The following LIPA variants were observed in gnomAD, a reference collection of about 807,000 sequenced individuals.
The protein encoded by LIPA is lysosomal acid lipase/cholesteryl ester hydrolase.
A neutral mutation model predicts 40.6 loss-of-function variants in LIPA; 26 were observed. The observed-to-expected ratio is 0.64, with a 90% CI of 0.47 to 0.89. The LOEUF is 0.89. Among genes scored for constraint, LIPA ranks in the 40% least tolerant of loss-of-function variants. LIPA has a pLI of 0.00. For missense variants in LIPA, 455 were observed against 479.6 expected (o/e 0.95, Z 0.48); for synonymous variants, 188 against 168.4 (o/e 1.12, Z -0.90).
chr10:89,348,240 T>C (rs1333348807), intron 2 of LIPA, among the ~76,000 whole-genome samples: 1 of 152,172 alleles, frequency 6.6e-6, no homozygotes, highest in Non-Finnish European at 1.5e-5. Flanking sequence ...CCAGGAACAG[T>C]TCTGAAAAAC....
intron 3 of LIPA, 63 bp from the exon 4 acceptor site, chr10:89,228,461 G>T (rs530040889): frequency 1.5e-6 from 2 of 1,314,160 alleles, no homozygotes; most frequent in Non-Finnish European, 2.2e-6. Context: ...ATGATATCTT[G>T]CTAAATAGAA....
intron 2 of LIPA, among the ~76,000 whole-genome samples, chr10:89,395,361 C>T (rs564724966): frequency 6.6e-6 from 1 of 152,318 alleles, no homozygotes; most frequent in East Asian, 1.9e-4. Flanking sequence ...ATTCCCCACT[C>T]GCTGGTTGAG....
chr10:89,330,755 A>T (rs1393839868), intron 1 of LIPA, among the ~76,000 whole-genome samples: 1 of 152,078 alleles, frequency 6.6e-6, no homozygotes, highest in Non-Finnish European at 1.5e-5. Flanking sequence ...TTCACTCAAG[A>T]TGCCTGATAA....
At chr10:89,376,702 A>G (rs1245849808) in intron 2 of LIPA, among the ~76,000 whole-genome samples, 3 of 152,208 alleles carry the variant, frequency 2.0e-5, no homozygotes, top group Non-Finnish European at 4.4e-5. Flanking sequence ...AAACTGGCCA[A>G]TATGAATGAC....
chr10:89,409,364 G>A (rs1365761690), intron 2 of LIPA, among the ~76,000 whole-genome samples: 1 of 152,180 alleles, frequency 6.6e-6, no homozygotes, highest in Non-Finnish European at 1.5e-5. Flanking sequence ...GACAGAAAAT[G>A]GAGCATGCCA....
intron 1 of LIPA, among the ~76,000 whole-genome samples, chr10:89,261,537 T>TA (rs1843207697): frequency 1.3e-5 from 2 of 151,804 alleles, no homozygotes; most frequent in African/African-American, 2.4e-5. Flanking sequence ...AAATTAAAAT[T>TA]TAAAAAATCA....
chr10:89,333,600 T>C (rs1044073331), intron 1 of LIPA, among the ~76,000 whole-genome samples: 13 of 152,204 alleles, frequency 8.5e-5, no homozygotes, highest in African/African-American at 2.9e-4. Context: ...TTTGGGAGGC[T>C]GAGGCAAGAG....
Position 89,384,397 on chromosome 10 carries a change from C to A in LIPA, c.61+28394G>T, listed in dbSNP as rs529801736. ...AGGCCACCACAGAAAGGCTGAGGAA[C>A]ATTTTCAGAAAGGGTTACGCATGAA... On this transcript the variant is annotated intron_variant, in intron 2 of 8. Transcript: ENST00000371837. 9.9e-6 allele frequency: 16 copies of A among 1,614,048 alleles called. 1 individual carries two copies. The South Asian group carries it at 1.6e-4, about 17-fold the overall frequency.
At chr10:89,227,105 G>A (rs551345546) in intron 4 of LIPA, 101 bp from the exon 5 acceptor site, 22 of 808,590 alleles carry the variant, frequency 2.7e-5, no homozygotes, top group Non-Finnish European at 4.5e-5. Context: ...ACTAAACACA[G>A]CTGGGAAAAC....
chr10:89,243,040 G>A lies in LIPA; in HGVS notation c.229+2636C>T, dbSNP rs182601580. ...TGCAGATTCCAGGCTAGGTCATTAG[G>A]AGGATGCTGGTGCTATTAATAATAG... On this transcript the variant is annotated intron_variant, in intron 3 of 9. Coordinates refer to ENST00000336233, the MANE Select transcript of LIPA (RefSeq NM_000235.4). Among the ~76,000 whole-genome samples the A allele has an allele frequency of 5.6e-3, 847 of 152,282 alleles. 31 individuals carry two copies. Among genetic ancestry groups the A allele is most frequent in the Admixed American group, 0.052 (796 of 15,294 alleles).
intron 1 of LIPA, among the ~76,000 whole-genome samples, chr10:89,314,387 T>C (rs1207938218): frequency 6.6e-6 from 1 of 152,270 alleles, no homozygotes. Flanking sequence ...TGTGAATTTA[T>C]GCCCGAGCGC....
chr10:89,394,697 TATC>T (rs888600233), intron 2 of LIPA, among the ~76,000 whole-genome samples: 3 of 150,472 alleles, frequency 2.0e-5, no homozygotes, highest in African/African-American at 7.3e-5. Context: ...AAATAAAATT[TATC>T]ATTTTAATTA....
intron 1 of LIPA, chr10:89,338,812 A>G (rs1008114998): frequency 6.2e-6 from 10 of 1,614,046 alleles, no homozygotes; most frequent in Non-Finnish European, 7.6e-6. Context: ...CAAAGCTACA[A>G]TGTACAACTT....
intron 2 of LIPA, among the ~76,000 whole-genome samples, chr10:89,372,577 C>T (rs1338834923): frequency 6.6e-6 from 1 of 152,198 alleles, no homozygotes; most frequent in East Asian, 1.9e-4. Context: ...TGTGTCCCAA[C>T]AGAGTACCTG....
At chr10:89,234,580 G>A (rs1842881880) in intron 3 of LIPA, among the ~76,000 whole-genome samples, 1 of 152,196 alleles carries the variant, frequency 6.6e-6, no homozygotes, top group African/African-American at 2.4e-5. Flanking sequence ...GGAAAAGACT[G>A]GACGCTGGAA....
At chr10:89,389,975 C>CTTTTTTTT (rs56947144) in intron 2 of LIPA, among the ~76,000 whole-genome samples, 4 of 80,340 alleles carry the variant, frequency 5.0e-5, no homozygotes, top group African/African-American at 1.1e-4. Context: ...AGATTTCTTT[C>CTTTTTTTT]TTTTTTTTTT....
At chr10:89,407,526 C>A (rs964543328) in intron 2 of LIPA, among the ~76,000 whole-genome samples, 3 of 152,222 alleles carry the variant, frequency 2.0e-5, no homozygotes, top group Non-Finnish European at 2.9e-5. Context: ...GCAGGCCTAA[C>A]AAAAGCTATT....
chr10:89,414,225 G>A (rs922722453), intron 1 of LIPA, among the ~76,000 whole-genome samples: 3 of 152,168 alleles, frequency 2.0e-5, no homozygotes, highest in African/African-American at 4.8e-5. Flanking sequence ...AGTGTTGCTT[G>A]TTGAATCAAA....
chr10:89,306,970 C>A (rs755600592), intron 1 of LIPA: 1 of 1,614,020 alleles, frequency 6.2e-7, no homozygotes. Context: ...GTGTCTGTTC[C>A]ATTCTTGCCA....
Sources: allele counts gnomAD v4.1 joint callset (sites outside exome capture counted in the v4.1 genomes callset), GRCh38; gene constraint gnomAD v4.1.1; transcripts MANE v1.5; gene names NCBI Gene and HGNC (gene_info 2026-07-23, HGNC 2026-07-21).